The following CHST3 variants were observed in gnomAD, a reference collection of about 807,000 sequenced individuals.
CHST3 encodes carbohydrate sulfotransferase 3.
Under a neutral mutation model 35.4 loss-of-function variants are expected in CHST3, and 20 were observed. That is an observed-to-expected ratio of 0.57 (90% CI 0.40 to 0.82). CHST3 has a LOEUF of 0.82. Ranked by LOEUF, CHST3 falls within the 40% of genes least tolerant of loss-of-function variation. The probability of loss-of-function intolerance (pLI) is 0.00; values close to 1 mark genes in which losing one functional copy is unlikely to be tolerated. For synonymous variants in CHST3, 334 were observed against 295.9 expected, an observed-to-expected ratio of 1.13 and a Z score of -1.32; for missense variants, 693 against 670.1, an observed-to-expected ratio of 1.03 and a Z score of -0.38.
intron 1 of CHST3, among the ~76,000 whole-genome samples, chr10:71,977,401 T>C (rs1230068070): frequency 6.6e-6 from 1 of 151,482 alleles, no homozygotes; most frequent in East Asian, 1.9e-4. Flanking sequence ...CTGACCAAAC[T>C]ATGCTGCCTC....
In CHST3 at chr10:72,009,925, G is replaced by C. The variant is rs1840091958; in HGVS notation, c.*1454G>C. On this transcript the variant is annotated 3_prime_UTR_variant, in exon 3 of 3. Coordinates refer to ENST00000373115, the MANE Select transcript of CHST3 (RefSeq NM_004273.5). ...AGGGAGGCTGGGGAAAACCAGCAGG[G>C]AGCACTTGGCTCCTGGCAGAGGGAG... 6.5e-6 allele frequency: 1 copy of C among 153,004 alleles called. No individual in the cohort carries two copies. Among genetic ancestry groups the C allele is most frequent in the Non-Finnish European group, 1.5e-5 (1 of 68,368 alleles). 9.5% of individuals were successfully genotyped at this position (153,004 alleles called of 1,614,324 possible). A position where few individuals can be genotyped will look rare whatever the true frequency, so the allele number is the denominator to read the frequency against.
At chr10:71,976,573 C>T (rs1839747798) in intron 1 of CHST3, among the ~76,000 whole-genome samples, 1 of 152,192 alleles carries the variant, frequency 6.6e-6, no homozygotes, top group Admixed American at 6.5e-5. Flanking sequence ...AGAGAGAGAA[C>T]TCAAACCAGT....
chr10:71,996,573 T>C (rs1380604408), intron 1 of CHST3, among the ~76,000 whole-genome samples: 1 of 152,156 alleles, frequency 6.6e-6, no homozygotes, highest in African/African-American at 2.4e-5. Flanking sequence ...AACATAAGCA[T>C]CTTTCTAGGC....
chr10:71,995,607 C>A (rs1456502785), intron 1 of CHST3, among the ~76,000 whole-genome samples: 1 of 152,008 alleles, frequency 6.6e-6, no homozygotes, highest in African/African-American at 2.4e-5. Flanking sequence ...CACTTAGAGG[C>A]CATGGCAGGG....
intron 1 of CHST3, among the ~76,000 whole-genome samples, chr10:72,002,579 G>A (rs1008047919): frequency 3.9e-5 from 6 of 152,220 alleles, no homozygotes; most frequent in Admixed American, 3.9e-4. Flanking sequence ...GCACAGCATG[G>A]TAGAGACACA....
chr10:71,974,359 G>A (rs1277222918), intron 1 of CHST3, among the ~76,000 whole-genome samples: 1 of 152,188 alleles, frequency 6.6e-6, no homozygotes, highest in Non-Finnish European at 1.5e-5. Context: ...CAGAGAGGTT[G>A]AGTAACCTGC....
chr10:71,978,192 C>CG (rs1185135586), intron 1 of CHST3, among the ~76,000 whole-genome samples: 1 of 152,094 alleles, frequency 6.6e-6, no homozygotes, highest in African/African-American at 2.4e-5. Flanking sequence ...ACCAGCCTGA[C>CG]CAACAAGGTG....
At chr10:71,965,010 G>C (rs904680662) in intron 1 of CHST3, among the ~76,000 whole-genome samples, 1 of 152,188 alleles carries the variant, frequency 6.6e-6, no homozygotes, top group Admixed American at 6.5e-5. Flanking sequence ...TCCTGGGAGC[G>C]CGGGGGATTT....
rs1840119711 is a variant in CHST3, at chr10:72,012,336, C to G, written c.*3865C>G. ...TAAAGTCTTCCAGCCCCGGGTCATC[C>G]TCTCCTATACTAGGGCCTATTGACC... is the stretch of plus-strand genomic sequence containing the variant. On this transcript the variant is annotated 3_prime_UTR_variant, in exon 3 of 3. Coordinates refer to ENST00000373115, the MANE Select transcript of CHST3 (RefSeq NM_004273.5). 1 of 152,224 alleles carries G rather than the reference C, an allele frequency of 6.6e-6. No individual in the cohort carries two copies. Among genetic ancestry groups the G allele is most frequent in the East Asian group, 1.9e-4 (1 of 5,190 alleles). 9.4% of individuals were successfully genotyped at this position (152,224 alleles called of 1,614,324 possible). A position where few individuals can be genotyped will look rare whatever the true frequency, so the allele number is the denominator to read the frequency against.
In CHST3 at chr10:72,008,340, GCCC is replaced by G; in HGVS notation, c.1310_1312del (p.Ala437_Gln438delinsGlu). 6.4e-7 allele frequency: 1 copy of G among 1,572,150 alleles called. No individual in the cohort carries two copies. On this transcript the variant is annotated inframe_deletion, in exon 3 of 3. Transcript: ENST00000373115. ...GCGCTTCAGCATGCCCTTCAAGCTG[GCCC>G]AGGTGGTGCAGGCCGCCTGCGGCCC...
chr10:71,985,437 A>G (rs1372113789), intron 1 of CHST3, among the ~76,000 whole-genome samples: 1 of 152,156 alleles, frequency 6.6e-6, no homozygotes, highest in African/African-American at 2.4e-5. Context: ...CCTTTCCCTC[A>G]GAAAGTCCCC....
Position 72,007,560 on chromosome 10 carries a change from G to C in CHST3, c.529G>C (p.Gly177Arg). 1.2e-6 allele frequency: 2 copies of C among 1,607,246 alleles called. No individual in the cohort carries two copies. The highest frequency in any genetic ancestry group is 2.2e-5 in the South Asian group (2 of 91,000). Residue 177 changes from glycine to arginine, a missense_variant, in exon 3 of 3, where the codon GGG (glycine) becomes CGG (arginine). Physicochemically the swap from Gly to Arg is moderately radical, Grantham distance 125. Transcript: ENST00000373115. ...CGAGCGCACAGTGTCCTTCGAGCCGGGGGGCGCCAACGCCGCGGGCTCGGC... is the reference window on the plus strand; with the variant it reads ...CGAGCGCACAGTGTCCTTCGAGCCGCGGGGCGCCAACGCCGCGGGCTCGGC... ...HIERTVSFEP[G>R]GANAAGSALV...
At chr10:71,974,332 A>G (rs1278991487) in intron 1 of CHST3, among the ~76,000 whole-genome samples, 1 of 152,162 alleles carries the variant, frequency 6.6e-6, no homozygotes, top group African/African-American at 2.4e-5. Context: ...CATTTCACAG[A>G]TGAGGAAACT....
intron 1 of CHST3, among the ~76,000 whole-genome samples, chr10:71,997,989 T>C (rs887698537): frequency 6.6e-6 from 1 of 152,046 alleles, no homozygotes; most frequent in African/African-American, 2.4e-5. Flanking sequence ...TAAGAAAAAA[T>C]GTAGCCAGGC....
chr10:72,005,140 A>G (rs1401141395), intron 1 of CHST3, among the ~76,000 whole-genome samples: 1 of 152,182 alleles, frequency 6.6e-6, no homozygotes, highest in East Asian at 1.9e-4. Context: ...CAAACAAACA[A>G]TTATTGGCAA....
chr10:72,012,255 G>A lies in CHST3; in HGVS notation c.*3784G>A, dbSNP rs1447627352. 1.3e-5 allele frequency: 2 copies of A among 152,204 alleles called. No homozygotes were observed. Among genetic ancestry groups the A allele is most frequent in the Non-Finnish European group, 2.9e-5 (2 of 68,086 alleles). 9.4% of individuals were successfully genotyped at this position (152,204 alleles called of 1,614,324 possible). ...GGCAATGGAAGGAGCTTCAGCAGGA[G>A]GTCCTTCCCAGAAGGTTGATTCTTG... On this transcript the variant is annotated 3_prime_UTR_variant, in exon 3 of 3. Transcript: ENST00000373115.
intron 1 of CHST3, among the ~76,000 whole-genome samples, chr10:71,985,839 C>T (rs1839842633): frequency 6.6e-6 from 1 of 152,104 alleles, no homozygotes; most frequent in Admixed American, 6.6e-5. Context: ...ATACAGAATC[C>T]CCTGTGGTGC....
Position 72,013,225 on chromosome 10 carries a change from C to T in CHST3, c.*4754C>T, listed in dbSNP as rs1350295362. The stretch of plus-strand genomic sequence containing the variant: ...AACACCTCAGCCCTGTTTGCTATTT[C>T]ATGTCTGCATGGTACGAGACACCCC... On this transcript the variant is annotated 3_prime_UTR_variant, in exon 3 of 3. Coordinates refer to ENST00000373115, the MANE Select transcript of CHST3 (RefSeq NM_004273.5). 6.6e-6 allele frequency: 1 copy of T among 152,414 alleles called. No individual in the cohort carries two copies. Among genetic ancestry groups the T allele is most frequent in the Non-Finnish European group, 1.5e-5 (1 of 68,152 alleles). The allele number at this position is 152,414 out of a possible 1,614,324, so 9.4% of individuals were successfully genotyped here.
intron 1 of CHST3, among the ~76,000 whole-genome samples, chr10:71,988,563 C>T (rs921724530): frequency 5.9e-5 from 9 of 152,282 alleles, no homozygotes; most frequent in South Asian, 4.2e-4. Context: ...CTTTGCTTTC[C>T]GCCATGATTG....
Sources: allele counts gnomAD v4.1 joint callset (sites outside exome capture counted in the v4.1 genomes callset), GRCh38; gene constraint gnomAD v4.1.1; transcripts MANE v1.5; gene names NCBI Gene and HGNC (gene_info 2026-07-23, HGNC 2026-07-21).